GATB: variants seen among roughly 807,000 people sequenced by gnomAD.
GATB encodes glutamyl-tRNA amidotransferase subunit B.
GATB carries 39 observed loss-of-function variants against 62.3 expected under a neutral mutation model. The ratio of observed to expected loss-of-function variants is 0.63; its 90% CI spans 0.48 to 0.82. The LOEUF (loss-of-function observed/expected upper bound fraction) is 0.82. GATB is among the 40% of genes least tolerant of loss of function. The pLI, the probability that GATB is intolerant of heterozygous loss-of-function variation, is 0.00. For missense variants in GATB, 670 were observed against 684.0 expected (o/e 0.98, Z 0.23); for synonymous variants, 276 against 258.9 (o/e 1.07, Z -0.63).
At chr4:151,682,463 T>C (rs10019048) in intron 10 of GATB, among the ~76,000 whole-genome samples, 90,823 of 152,112 alleles carry the variant, frequency 0.6, 29,658 homozygotes, top group African/African-American at 0.88. Context: ...TACTGGTTTC[T>C]GGATAGTGAA....
chr4:151,701,752 C>T (rs1738612260), intron 8 of GATB, among the ~76,000 whole-genome samples: 2 of 152,184 alleles, frequency 1.3e-5, no homozygotes, highest in African/African-American at 2.4e-5. Context: ...AGAAGCACAA[C>T]ACAGGCTTGA....
chr4:151,711,335 T>C (rs1235309269), intron 5 of GATB, among the ~76,000 whole-genome samples: 1 of 152,246 alleles, frequency 6.6e-6, no homozygotes, highest in Non-Finnish European at 1.5e-5. Flanking sequence ...TGATTACCAC[T>C]GCACCTGGGT....
At chr4:151,700,698 A>G (rs555798427) in intron 9 of GATB, among the ~76,000 whole-genome samples, 13 of 152,292 alleles carry the variant, frequency 8.5e-5, no homozygotes, top group African/African-American at 3.1e-4. Flanking sequence ...ATGCCGCATC[A>G]CTTTAATGCT....
intron 10 of GATB, 68 bp from the exon 11 acceptor site, chr4:151,679,959 C>T (rs762998814): frequency 2.1e-4 from 289 of 1,404,202 alleles, no homozygotes; most frequent in Non-Finnish European, 2.6e-4. Context: ...AATGGCTGTT[C>T]GGAATCAGAA....
intron 12 of GATB, among the ~76,000 whole-genome samples, 168 bp from the exon 13 acceptor site, chr4:151,671,470 G>T (rs961709382): frequency 6.6e-6 from 1 of 152,098 alleles, no homozygotes; most frequent in Non-Finnish European, 1.5e-5. Flanking sequence ...TTCTGAGTAG[G>T]TTTCTAGGCT....
At chr4:151,750,253 T>C (rs4696111) in intron 2 of GATB, among the ~76,000 whole-genome samples, 88,258 of 152,102 alleles carry the variant, frequency 0.58, 27,781 homozygotes, top group African/African-American at 0.84. Context: ...AAGCAGCAGT[T>C]CCCCGCCCCA....
At position 151,705,211 on chromosome 4, in the gene GATB, T is replaced by C; in HGVS notation, c.936A>G (p.Glu312=). ...CCAGCTTGTGATGAAATGAGCGTGTTTCGTTCAGAATTTCACCTCCATTCT... is the reference window on the plus strand; with the variant it reads ...CCAGCTTGTGATGAAATGAGCGTGTCTCGTTCAGAATTTCACCTCCATTCT... ...ELENGGEILN[E]TRSFHHKLGC... Residue 312 remains glutamate, a synonymous_variant, in exon 7 of 13, where the codon GAA becomes GAG. Transcript: ENST00000263985. The C allele has an allele frequency of 8.1e-6, 13 of 1,613,552 alleles. No individual in the cohort carries two copies. The highest frequency in any genetic ancestry group is 1.1e-5 in the Non-Finnish European group (13 of 1,179,550).
At chr4:151,739,610 C>T (rs1041127266) in intron 2 of GATB, among the ~76,000 whole-genome samples, 3 of 152,168 alleles carry the variant, frequency 2.0e-5, no homozygotes, top group Non-Finnish European at 4.4e-5. Context: ...CAAAGAATTC[C>T]GCAAGACTCA....
intron 9 of GATB, among the ~76,000 whole-genome samples, chr4:151,690,098 C>G (rs1738332420): frequency 6.6e-6 from 1 of 152,116 alleles, no homozygotes; most frequent in Admixed American, 6.5e-5. Flanking sequence ...TTTCAGAGAC[C>G]CTTCATTAAC....
chr4:151,707,886 A>C, intron 6 of GATB, 102 bp downstream of exon 6: 1 of 757,606 alleles, frequency 1.3e-6, no homozygotes, highest in Non-Finnish European at 2.3e-6. Context: ...AGTGAAAACG[A>C]AAGTAGTTCT....
At chr4:151,678,154 T>TGTGTC (rs1354230281) in intron 11 of GATB, among the ~76,000 whole-genome samples, 1 of 152,162 alleles carries the variant, frequency 6.6e-6, no homozygotes, top group Non-Finnish European at 1.5e-5. Context: ...GGGGACCCCC[T>TGTGTC]TAAGCAACAC....
chr4:151,679,340 T>C (rs935826387), intron 11 of GATB, among the ~76,000 whole-genome samples: 3 of 152,320 alleles, frequency 2.0e-5, no homozygotes, highest in African/African-American at 7.2e-5. Flanking sequence ...CTGTAACATT[T>C]TATCTACAAA....
rs138717150 is a variant in GATB at position 151,729,573 on chromosome 4, G to T, written c.328-10035C>A. 5.3e-5 allele frequency among the ~76,000 whole-genome samples: 8 copies of T among 152,270 alleles called. No individual in the cohort carries two copies. In the East Asian group the frequency reaches 1.5e-3, roughly 29 times the overall value. On this transcript the variant is annotated intron_variant, in intron 2 of 12. Transcript: ENST00000263985. ...GGAGATAGCTGCTAAGATATTTAGA[G>T]AGGAAGTGCCATGATGTCTGCAACT...
intron 2 of GATB, among the ~76,000 whole-genome samples, chr4:151,740,792 A>T (rs1377024976): frequency 6.6e-6 from 1 of 152,220 alleles, no homozygotes; most frequent in Non-Finnish European, 1.5e-5. Flanking sequence ...AATGAATGGT[A>T]CCCAGCTGCA....
chr4:151,735,728 ACTGTGGTG>A (rs1739357700), intron 2 of GATB, among the ~76,000 whole-genome samples: 1 of 124,956 alleles, frequency 8.0e-6, no homozygotes. Flanking sequence ...GGATAAATAA[ACTGTGGTG>A]TATATATATA....
At chr4:151,720,509 T>A (rs1362844932) in intron 2 of GATB, 1 of 152,194 alleles carries the variant, frequency 6.6e-6, no homozygotes, top group African/African-American at 2.4e-5. Flanking sequence ...GAGGATGTCA[T>A]GTTTGCAGAT....
At chr4:151,698,632 C>T (rs781480722) in intron 9 of GATB, among the ~76,000 whole-genome samples, 8 of 152,266 alleles carry the variant, frequency 5.3e-5, no homozygotes, top group Middle Eastern at 3.4e-3. Context: ...TTATGAGTAA[C>T]GCCGCTTCCA....
intron 2 of GATB, chr4:151,722,291 G>A (rs1233810415): frequency 2.9e-6 from 2 of 688,734 alleles, no homozygotes; most frequent in Non-Finnish European, 2.6e-6. Context: ...CTCTGTCTCT[G>A]CCCTCAATGA....
intron 2 of GATB, chr4:151,719,789 TC>T: frequency 6.1e-6 from 2 of 330,274 alleles, no homozygotes; most frequent in East Asian, 7.5e-5. Context: ...GGGAACCCTT[TC>T]CCCCAGTGCC....
Sources: allele counts gnomAD v4.1 joint callset (sites outside exome capture counted in the v4.1 genomes callset), GRCh38; gene constraint gnomAD v4.1.1; transcripts MANE v1.5; gene names NCBI Gene and HGNC (gene_info 2026-07-23, HGNC 2026-07-21).